GRIA1: variants seen among roughly 807,000 people sequenced by gnomAD.
The protein encoded by GRIA1 is glutamate receptor 1.
A neutral mutation model predicts 99.2 loss-of-function variants in GRIA1; 31 were observed. The ratio of observed to expected loss-of-function variants is 0.31; its 90% CI spans 0.23 to 0.42. The LOEUF is 0.42. Ranked by LOEUF, GRIA1 falls within the 10% of genes least tolerant of loss-of-function variation. The pLI, the probability that GRIA1 is intolerant of heterozygous loss-of-function variation, is 1.00. For synonymous variants in GRIA1, 438 were observed against 432.4 expected, an observed-to-expected ratio of 1.01 and a Z score of -0.16; for missense variants, 782 against 1,157.5, an observed-to-expected ratio of 0.68 and a Z score of 4.71.
At chr5:153,673,651 C>T (rs2149484331) in intron 5 of GRIA1, among the ~76,000 whole-genome samples, 1 of 152,280 alleles carries the variant, frequency 6.6e-6, no homozygotes, top group Admixed American at 6.5e-5. Context: ...TCTACTCTGC[C>T]TCAGTTTCTT....
chr5:153,617,264 G>T (rs1268530845), intron 2 of GRIA1, among the ~76,000 whole-genome samples: 1 of 152,212 alleles, frequency 6.6e-6, no homozygotes, highest in African/African-American at 2.4e-5. Flanking sequence ...TTAAGAGCTA[G>T]ATATCAAAAT....
At chr5:153,791,143 AAG>A (rs909886321) in intron 13 of GRIA1, among the ~76,000 whole-genome samples, 93 of 79,030 alleles carry the variant, frequency 1.2e-3, no homozygotes, top group East Asian at 0.021. Context: ...CTTAAAAAAA[AAG>A]AAGAAGAAGA....
intron 11 of GRIA1, among the ~76,000 whole-genome samples, chr5:153,749,225 G>C (rs1183351901): frequency 6.6e-6 from 1 of 152,126 alleles, no homozygotes; most frequent in African/African-American, 2.4e-5. Context: ...GCTCTGCCGT[G>C]TCTGTGCTAA....
intron 2 of GRIA1, among the ~76,000 whole-genome samples, chr5:153,603,088 A>G (rs889362950): frequency 6.7e-6 from 1 of 148,222 alleles, no homozygotes. Context: ...CCACCCCACA[A>G]CAGTCCCCAG....
intron 11 of GRIA1, among the ~76,000 whole-genome samples, chr5:153,737,765 CTT>C (rs1037994119): frequency 6.6e-6 from 1 of 152,162 alleles, no homozygotes; most frequent in African/African-American, 2.4e-5. Context: ...ATTATTCCTT[CTT>C]GTGTTTTACA....
chr5:153,706,322 T>G (rs996275800), intron 11 of GRIA1: 1 of 512,704 alleles, frequency 2.0e-6, no homozygotes, highest in Non-Finnish European at 3.5e-6. Context: ...TTATGACTGA[T>G]GCGTTGTAGC....
At chr5:153,699,195 CT>C in intron 10 of GRIA1, 122 bp downstream of exon 10, 1 of 717,048 alleles carries the variant, frequency 1.4e-6, no homozygotes, top group Non-Finnish European at 2.5e-6. Flanking sequence ...AGTGTTGTTG[CT>C]GCTGAACAGA....
intron 2 of GRIA1, among the ~76,000 whole-genome samples, chr5:153,642,554 T>C (rs2910259): frequency 0.99 from 150,889 of 151,690 alleles, 75,047 homozygotes; most frequent in Middle Eastern, 1. Context: ...TAATGAGATC[T>C]CAACTCTACA....
chr5:153,741,927 CT>C (rs147525738), intron 11 of GRIA1, among the ~76,000 whole-genome samples: 17 of 89,988 alleles, frequency 1.9e-4, no homozygotes, highest in South Asian at 1.7e-3. Flanking sequence ...AAAACTAAAG[CT>C]TTTTTTAAAA....
chr5:153,538,982 C>G (rs987503624), intron 2 of GRIA1, among the ~76,000 whole-genome samples: 1 of 152,158 alleles, frequency 6.6e-6, no homozygotes, highest in Non-Finnish European at 1.5e-5. Flanking sequence ...GAATTATTTT[C>G]TGTCAATATC....
chr5:153,737,572 C>G (rs1036179539), intron 11 of GRIA1, among the ~76,000 whole-genome samples: 1 of 152,306 alleles, frequency 6.6e-6, no homozygotes, highest in East Asian at 1.9e-4. Context: ...TTTAATCTCT[C>G]AGCCTCAGCC....
chr5:153,491,124 C>A lies in GRIA1; in HGVS notation c.82+154C>A, dbSNP rs1753874885. ...ACAGAAGGGAGACTTGGGCTTACAGCCAGAGGAGGGGGCTTCTCCTGATCG... is the reference window on the plus strand; with the variant it reads ...ACAGAAGGGAGACTTGGGCTTACAGACAGAGGAGGGGGCTTCTCCTGATCG... On this transcript the variant is annotated intron_variant, in intron 1 of 15. Coordinates refer to ENST00000285900, the MANE Select transcript of GRIA1 (RefSeq NM_000827.4). 9 of 1,000,552 alleles carry A rather than the reference C, an allele frequency of 9.0e-6. No individual in the cohort carries two copies. In the South Asian group the frequency reaches 1.2e-4, roughly 14 times the overall value. 62.0% of individuals were successfully genotyped at this position (1,000,552 alleles called of 1,614,324 possible).
chr5:153,528,566 TA>T (rs1757817793), intron 2 of GRIA1, among the ~76,000 whole-genome samples: 1 of 152,222 alleles, frequency 6.6e-6, no homozygotes, highest in African/African-American at 2.4e-5. Context: ...TTTGCATTTC[TA>T]CCAAGTTCCA....
intron 2 of GRIA1, among the ~76,000 whole-genome samples, chr5:153,553,713 T>C (rs536947141): frequency 6.6e-6 from 1 of 152,314 alleles, no homozygotes; most frequent in Admixed American, 6.5e-5. Flanking sequence ...CCTCTTAGTG[T>C]GCATGCTTGA....
intron 8 of GRIA1, among the ~76,000 whole-genome samples, chr5:153,691,812 C>T (rs778661905): frequency 1.3e-5 from 2 of 152,170 alleles, no homozygotes; most frequent in Non-Finnish European, 2.9e-5. Flanking sequence ...TTACCAGTCA[C>T]GAGTCCTGCT....
At chr5:153,588,959 T>A (rs1285901840) in intron 2 of GRIA1, among the ~76,000 whole-genome samples, 4 of 152,032 alleles carry the variant, frequency 2.6e-5, no homozygotes, top group African/African-American at 7.2e-5. Context: ...TAATAAACAT[T>A]CCTTGGATGG....
At chr5:153,794,493 C>A in intron 13 of GRIA1, 128 bp from the exon 14 acceptor site, 2 of 683,500 alleles carry the variant, frequency 2.9e-6, no homozygotes, top group South Asian at 1.6e-5. Flanking sequence ...GGGGGCAGGG[C>A]ATCCTCAGGT....
intron 14 of GRIA1, among the ~76,000 whole-genome samples, chr5:153,799,048 C>A (rs893148063): frequency 6.7e-6 from 1 of 149,910 alleles, no homozygotes; most frequent in Admixed American, 6.6e-5. Context: ...TCTCTTTCCC[C>A]ACTCCTGGCG....
rs547291279 is a variant in GRIA1 at position 153,765,345 on chromosome 5, A to C, written c.2022+713A>C. On this transcript the variant is annotated intron_variant, in intron 12 of 15. Transcript: ENST00000285900. ...GAGAACAATGTCTATATCAGAGCTTAACAAGACTAAAAGAGATAGGGTATC... is the reference window on the plus strand; with the variant it reads ...GAGAACAATGTCTATATCAGAGCTTCACAAGACTAAAAGAGATAGGGTATC... 1.1e-3 allele frequency among the ~76,000 whole-genome samples: 163 copies of C among 152,312 alleles called. 2 individuals carry two copies. The South Asian group carries it at 0.019, about 18-fold the overall frequency.
Sources: gnomAD v4.1 joint callset for allele counts (sites outside exome capture counted in the v4.1 genomes callset) on GRCh38, gnomAD v4.1.1 for gene constraint, MANE v1.5 for transcripts, NCBI Gene and HGNC (gene_info 2026-07-23, HGNC 2026-07-21) for gene names.